Variants in DAAM2 observed in about 807,000 individuals in gnomAD.
DAAM2 encodes disheveled-associated activator of morphogenesis 2.
A neutral mutation model predicts 120.7 loss-of-function variants in DAAM2; 39 were observed. That is an observed-to-expected ratio of 0.32 (90% CI 0.25 to 0.42). The LOEUF (loss-of-function observed/expected upper bound fraction) is 0.42. DAAM2 is among the 10% of genes least tolerant of loss of function. The pLI is 1.00. For missense variants in DAAM2, 1,283 were observed against 1,401.7 expected, an observed-to-expected ratio of 0.92 and a Z score of 1.35; for synonymous variants, 488 against 524.9, an observed-to-expected ratio of 0.93 and a Z score of 0.96.
chr6:39,871,419 G>A, intron 8 of DAAM2, 87 bp from the exon 9 acceptor site: 1 of 1,252,862 alleles, frequency 8.0e-7, no homozygotes, highest in Non-Finnish European at 1.1e-6. Context: ...GATTTAGCCA[G>A]TGGGGGGCTC....
rs756952950 is a variant in DAAM2, at chr6:39,794,989, CT to C, written c.-57+2527del. On this transcript the variant is annotated intron_variant, in intron 1 of 24. Coordinates refer to ENST00000274867, the MANE Select transcript of DAAM2 (RefSeq NM_001201427.2). ...AGGGGCAAGAACTGGGTTTTCAACT[CT>C]TTCTACATGTGGGGTTTCTGGGAGT... Among the ~76,000 whole-genome samples, 24 of 152,318 alleles carry C rather than the reference CT, an allele frequency of 1.6e-4. 1 individual carries two copies. The South Asian group carries it at 3.9e-3, about 25-fold the overall frequency.
chr6:39,863,457 G>A (rs950923604), intron 3 of DAAM2, among the ~76,000 whole-genome samples: 1 of 152,266 alleles, frequency 6.6e-6, no homozygotes, highest in African/African-American at 2.4e-5. Context: ...ACATTGAGTG[G>A]ATGGAGCTGA....
chr6:39,794,037 T>C (rs1045626150), intron 1 of DAAM2, among the ~76,000 whole-genome samples: 1 of 152,168 alleles, frequency 6.6e-6, no homozygotes, highest in Non-Finnish European at 1.5e-5. Flanking sequence ...TTAGAAATTA[T>C]ATAAATTGAA....
At chr6:39,853,279 A>G (rs1763880773) in intron 1 of DAAM2, among the ~76,000 whole-genome samples, 1 of 152,184 alleles carries the variant, frequency 6.6e-6, no homozygotes. Flanking sequence ...GGGCCTTAAG[A>G]AAGGGAGGCA....
At chr6:39,884,317 G>A (rs1765272791) in intron 15 of DAAM2, 1 of 415,588 alleles carries the variant, frequency 2.4e-6, no homozygotes. Flanking sequence ...GACCATAGGG[G>A]GAAATATGCT....
intron 1 of DAAM2, among the ~76,000 whole-genome samples, chr6:39,797,301 T>C (rs944997959): frequency 4.6e-5 from 7 of 152,240 alleles, no homozygotes; most frequent in African/African-American, 1.7e-4. Flanking sequence ...TAAAATCTAA[T>C]AATGATGTCA....
intron 3 of DAAM2, chr6:39,861,233 A>C: frequency 1.6e-6 from 1 of 621,854 alleles, no homozygotes; most frequent in East Asian, 3.2e-5. Context: ...AAAACGCTTA[A>C]AGCAGGACCT....
intron 10 of DAAM2, among the ~76,000 whole-genome samples, chr6:39,874,998 A>G (rs989094398): frequency 6.6e-6 from 1 of 152,156 alleles, no homozygotes; most frequent in Non-Finnish European, 1.5e-5. Flanking sequence ...GTTTTTATAG[A>G]TAATGTAAAA....
chr6:39,799,536 G>A (rs978792623), intron 1 of DAAM2, among the ~76,000 whole-genome samples: 2 of 152,212 alleles, frequency 1.3e-5, no homozygotes, highest in Admixed American at 1.3e-4. Flanking sequence ...CTATTCTGAT[G>A]GTGAAGGGGA....
At chr6:39,857,133 C>T (rs987694768) in intron 2 of DAAM2, among the ~76,000 whole-genome samples, 2 of 152,164 alleles carry the variant, frequency 1.3e-5, no homozygotes, top group African/African-American at 4.8e-5. Flanking sequence ...AGCTTTATAC[C>T]CTGGCCACAA....
chr6:39,814,727 T>A (rs928363481), intron 1 of DAAM2, among the ~76,000 whole-genome samples: 1 of 152,176 alleles, frequency 6.6e-6, no homozygotes, highest in South Asian at 2.1e-4. Flanking sequence ...CCTCCCACCA[T>A]TTCTGTGGAA....
rs188480329 is a variant in DAAM2 at position 39,860,983 on chromosome 6, A to C, written c.224A>C (p.Glu75Ala). 1.2e-6 allele frequency: 2 copies of C among 1,612,974 alleles called. No individual in the cohort carries two copies. The highest frequency in any genetic ancestry group is 8.5e-7 in the Non-Finnish European group (1 of 1,179,588). Residue 75 changes from glutamate (E) to alanine (A), a missense_variant, in exon 3 of 25, where the codon GAG (glutamate) becomes GCG (alanine). By Grantham distance (107) the Glu-to-Ala change is moderately radical. Transcript: ENST00000274867. ...NREAMFALPPEKKWQIYCSKK... is the reference protein window; with the variant it reads ...NREAMFALPPAKKWQIYCSKK... ...GAGGCTATGTTTGCACTGCCCCCTG[A>C]GAAGAAATGGCAGATCTACTGCAGC...
At chr6:39,844,371 GACACACAC>G (rs58561482) in intron 1 of DAAM2, among the ~76,000 whole-genome samples, 339 of 149,468 alleles carry the variant, frequency 2.3e-3, no homozygotes, top group Middle Eastern at 0.011. Context: ...ACATCTGCTG[GACACACAC>G]ACACACACAC....
At chr6:39,808,575 T>C (rs1207103003) in intron 1 of DAAM2, among the ~76,000 whole-genome samples, 1 of 152,258 alleles carries the variant, frequency 6.6e-6, no homozygotes, top group Non-Finnish European at 1.5e-5. Context: ...AATGAAGCCA[T>C]GCTGACTTCT....
intron 1 of DAAM2, among the ~76,000 whole-genome samples, chr6:39,801,152 T>C (rs1157385884): frequency 6.6e-6 from 1 of 152,256 alleles, no homozygotes; most frequent in Admixed American, 6.5e-5. Flanking sequence ...AGCAATTTTA[T>C]ATAAAATCGT....
rs144368745 is a variant in DAAM2, at chr6:39,833,061, C to T, written c.-56-23186C>T. Among the ~76,000 whole-genome samples, 558 of 152,204 alleles carry T rather than the reference C, an allele frequency of 3.7e-3. 1 individual carries two copies. The highest frequency in any genetic ancestry group is 0.013 in the African/African-American group (533 of 41,532). On this transcript the variant is annotated intron_variant, in intron 1 of 24. Transcript: ENST00000274867. ...ATGTTTGCTCAGAGCTGGGTTTAGG[C>T]AGGGTTTATCCACGTGACCTTTCCC...
At chr6:39,832,319 C>T (rs538888161) in intron 1 of DAAM2, among the ~76,000 whole-genome samples, 1 of 152,146 alleles carries the variant, frequency 6.6e-6, no homozygotes, top group African/African-American at 2.4e-5. Context: ...AGCCAGCCTC[C>T]CTGAGCCCTC....
chr6:39,899,052 C>G, intron 22 of DAAM2, 115 bp downstream of exon 22: 1 of 789,666 alleles, frequency 1.3e-6, no homozygotes, highest in South Asian at 1.6e-5. Context: ...GCCTCTAGCA[C>G]AGGGTCAGCC....
intron 1 of DAAM2, among the ~76,000 whole-genome samples, chr6:39,812,385 G>C (rs1173027672): frequency 6.6e-6 from 1 of 152,210 alleles, no homozygotes; most frequent in Non-Finnish European, 1.5e-5. Flanking sequence ...CTGAGGTTCT[G>C]AGAATTTAGT....
Sources: gnomAD v4.1 joint callset for allele counts (sites outside exome capture counted in the v4.1 genomes callset) on GRCh38, gnomAD v4.1.1 for gene constraint, MANE v1.5 for transcripts, NCBI Gene and HGNC (gene_info 2026-07-23, HGNC 2026-07-21) for gene names.